The following THBS1 variants were observed in gnomAD, a reference collection of about 807,000 sequenced individuals.
THBS1 encodes the protein thrombospondin 1, also known as thrombospondin-1.
In THBS1, 29 loss-of-function variants were observed where a neutral mutation model predicts 126.1. That is an observed-to-expected ratio of 0.23 (90% CI 0.17 to 0.31). THBS1 has a LOEUF of 0.31. Ranked by LOEUF, THBS1 falls within the 10% of genes least tolerant of loss-of-function variation. The pLI is 1.00. For synonymous variants in THBS1, 496 were observed against 577.8 expected (o/e 0.86, Z 2.03); for missense variants, 1,198 against 1,545.2 (o/e 0.78, Z 3.77).
intron 6 of THBS1, among the ~76,000 whole-genome samples, chr15:39,584,919 G>A (rs1056172218): frequency 6.6e-6 from 1 of 152,230 alleles, no homozygotes; most frequent in Non-Finnish European, 1.5e-5. Flanking sequence ...AGTGGCCAGT[G>A]AGTTTGGAGG....
chr15:39,582,666 G>C lies in THBS1; in HGVS notation c.541G>C (p.Val181Leu), dbSNP rs770363046. Residue 181 changes from valine (V) to leucine (L), a missense_variant, in exon 3 of 22, where the codon GTC becomes CTC. Val to Leu is a conservative substitution (Grantham distance 32, BLOSUM62 1). Coordinates refer to ENST00000260356, the MANE Select transcript of THBS1 (RefSeq NM_003246.4). ...AAAGATGGAGAATGCTGAGTTGGACGTCCCCATCCAAAGCGTCTTCACCAG... is the reference window on the plus strand; with the variant it reads ...AAAGATGGAGAATGCTGAGTTGGACCTCCCCATCCAAAGCGTCTTCACCAG... ...CEKMENAELD[V>L]PIQSVFTRDL... 6.2e-7 allele frequency: 1 copy of C among 1,613,538 alleles called. No homozygotes were observed. The highest frequency in any genetic ancestry group is 1.3e-5 in the African/African-American group (1 of 74,918).
Position 39,582,413 on chromosome 15 carries a change from G to A in THBS1, c.288G>A (p.Gln96=). The change falls in exon 3 of 22, where the codon CAG becomes CAA. Residue 96 remains glutamine, a synonymous_variant. Coordinates refer to ENST00000260356, the MANE Select transcript of THBS1 (RefSeq NM_003246.4). ...KGFLLLASLR[Q]MKKTRGTLLA... is the part of the protein sequence containing the mutation. The stretch of plus-strand genomic sequence containing the variant: ...TCCTCCTTCTGGCATCCCTGAGGCA[G>A]ATGAAGAAGACCCGGGGCACGCTGC... The A allele has an allele frequency of 1.9e-6, 3 of 1,614,128 alleles. No individual in the cohort carries two copies. Among genetic ancestry groups the A allele is most frequent in the Non-Finnish European group, 2.5e-6 (3 of 1,179,994 alleles).
chr15:39,584,223 C>A (rs763080840), intron 5 of THBS1, 36 bp downstream of exon 5: 2 of 1,614,038 alleles, frequency 1.2e-6, no homozygotes, highest in Non-Finnish European at 1.7e-6. Flanking sequence ...TTAGCATGAA[C>A]CCTGGAAGGT....
chr15:39,590,722 T>A, intron 14 of THBS1, 99 bp downstream of exon 14: 1 of 876,834 alleles, frequency 1.1e-6, no homozygotes, highest in South Asian at 1.5e-5. Flanking sequence ...GCAAAAAATA[T>A]ACCAAATCAA....
chr15:39,597,429 A>T lies in THBS1; in HGVS notation c.*2060A>T, dbSNP rs1433224169. On this transcript the variant is annotated 3_prime_UTR_variant, in exon 22 of 22. Transcript: ENST00000260356. Reference sequence around the variant, plus strand: ...TTGTATATTACTGTTTCTTATGTACAAGGAACAACAATAAATCATATGGAA... The same window carrying T: ...TTGTATATTACTGTTTCTTATGTACTAGGAACAACAATAAATCATATGGAA... 6.6e-6 allele frequency: 1 copy of T among 151,864 alleles called. No individual in the cohort carries two copies. Among genetic ancestry groups the T allele is most frequent in the African/African-American group, 2.4e-5 (1 of 41,344 alleles). The allele number at this position is 151,864 out of a possible 1,614,324, so 9.4% of individuals were successfully genotyped here.
chr15:39,591,457 A>G (rs747521914), intron 15 of THBS1, 48 bp from the exon 16 acceptor site: 2 of 1,612,120 alleles, frequency 1.2e-6, no homozygotes, highest in South Asian at 2.2e-5. Context: ...TGGTGGAAAC[A>G]TCCAAGGCTG....
In THBS1 at chr15:39,582,284, C is replaced by G; in HGVS notation, c.159C>G (p.Asp53Glu). The change falls in exon 3 of 22, where the codon GAC becomes GAG. Residue 53 changes from aspartate (D) to glutamate (E), a missense_variant. Physicochemically the swap from Asp to Glu is conservative, Grantham distance 45 (BLOSUM62 2). Coordinates refer to ENST00000260356, the MANE Select transcript of THBS1 (RefSeq NM_003246.4). ...GSGRRLVKGPDPSSPAFRIED... is the reference protein window; with the variant it reads ...GSGRRLVKGPEPSSPAFRIED... ...GGCGCCGACTGGTGAAGGGCCCCGACCCTTCCAGCCCAGCTTTCCGCATCG... is the reference window on the plus strand; with the variant it reads ...GGCGCCGACTGGTGAAGGGCCCCGAGCCTTCCAGCCCAGCTTTCCGCATCG... 1 of 1,614,212 alleles carries G rather than the reference C, an allele frequency of 6.2e-7. No individual in the cohort carries two copies.
In THBS1 at chr15:39,588,073, C is replaced by T; in HGVS notation, c.1326C>T (p.Ser442=). The change falls in exon 9 of 22, where the codon TCC becomes TCT. Residue 442 remains serine (S), a synonymous_variant. Transcript: ENST00000260356. ...AGGATGGTGGCTGGAGCCACTGGTC[C>T]CCGTGGTCATCTTGTTCTGTGACAT... is the stretch of plus-strand genomic sequence containing the variant. ...FKQDGGWSHW[S]PWSSCSVTCG... 6.2e-7 allele frequency: 1 copy of T among 1,614,134 alleles called. No individual in the cohort carries two copies. The highest frequency in any genetic ancestry group is 8.5e-7 in the Non-Finnish European group (1 of 1,180,008).
chr15:39,593,380 C>G lies in THBS1; in HGVS notation c.2996-17C>G. The stretch of plus-strand genomic sequence containing the variant: ...GAAGGCTGCAGGTTTTAACCTGGCT[C>G]TGGGCTCTTCTTCCAGGTTATGATG... On this transcript the variant is annotated splice_polypyrimidine_tract_variant and intron_variant, in intron 18 of 21. Transcript: ENST00000260356. This position sits in a 1 kb window ranked among gnomAD's most constrained non-coding sequence, Gnocchi z 5.9. 1 of 1,613,594 alleles carries G rather than the reference C, an allele frequency of 6.2e-7. No homozygotes were observed. Among genetic ancestry groups the G allele is most frequent in the Non-Finnish European group, 8.5e-7 (1 of 1,179,664 alleles).
chr15:39,594,076 C>T lies in THBS1; in HGVS notation c.3268-23C>T, dbSNP rs775296490. 15 of 1,602,712 alleles carry T rather than the reference C, an allele frequency of 9.4e-6. No homozygotes were observed. The Admixed American group carries it at 1.0e-4, about 11-fold the overall frequency. On this transcript the variant is annotated intron_variant, in intron 19 of 21. Coordinates refer to ENST00000260356, the MANE Select transcript of THBS1 (RefSeq NM_003246.4). The surrounding 1 kb of genome is among the most constrained non-coding windows in gnomAD (Gnocchi z 4.4). ...TTACCTGAAGGAGCTGTGTTTCAAC[C>T]TTTCCTTTTCCTTTTCCTTCAGGTG... is the stretch of plus-strand genomic sequence containing the variant.
At chr15:39,581,807 G>A (rs1347355936) in intron 1 of THBS1, 22 bp from the exon 2 acceptor site, 2 of 1,541,932 alleles carry the variant, frequency 1.3e-6, no homozygotes, top group African/African-American at 1.4e-5. Context: ...CTGACCCTCG[G>A]CTCTTGTGCT....
Position 39,587,337 on chromosome 15 carries a change from TCC to T in THBS1, c.1121-7_1121-6del. The stretch of plus-strand genomic sequence containing the variant: ...ATCACGTACCTGATGAACCTCTGTT[TCC>T]CCTGCAGCCAGCGACTCTGCGGACG... On this transcript the variant is annotated splice_polypyrimidine_tract_variant and splice_region_variant and intron_variant, in intron 7 of 21. Coordinates refer to ENST00000260356, the MANE Select transcript of THBS1 (RefSeq NM_003246.4). The T allele has an allele frequency of 6.2e-7, 1 of 1,606,850 alleles. No homozygotes were observed. The highest frequency in any genetic ancestry group is 8.5e-7 in the Non-Finnish European group (1 of 1,175,268).
Position 39,582,735 on chromosome 15 carries a change from G to A in THBS1, c.610G>A (p.Val204Ile), listed in dbSNP as rs760002107. 1.4e-5 allele frequency: 22 copies of A among 1,609,682 alleles called. 1 individual carries two copies. Among genetic ancestry groups the A allele is most frequent in the South Asian group, 7.7e-5 (7 of 90,512 alleles). The change falls in exon 3 of 22, where the codon GTC becomes ATC. Residue 204 changes from valine to isoleucine, a missense_variant. Physicochemically the swap from Val to Ile is conservative, Grantham distance 29. Coordinates refer to ENST00000260356, the MANE Select transcript of THBS1 (RefSeq NM_003246.4). ...CAGACTCCGCATCGCAAAGGGGGGC[G>A]TCAATGACAATTTCCAGGTGAGGCT... is the stretch of plus-strand genomic sequence containing the variant. ...IARLRIAKGG[V>I]NDNFQGVLQN...
Position 39,582,240 on chromosome 15 carries a change from G to A in THBS1, c.115G>A (p.Ala39Thr), listed in dbSNP as rs201154690. The A allele has an allele frequency of 3.7e-5, 60 of 1,613,820 alleles. No homozygotes were observed. Among genetic ancestry groups the A allele is most frequent in the Non-Finnish European group, 4.9e-5 (58 of 1,179,894 alleles). ...SVFDIFELTG[A>T]ARKGSGRRLV... ...GTTTGACATCTTTGAACTCACCGGGGCCGCCCGCAAGGGGTCTGGGCGCCG... is the reference window on the plus strand; with the variant it reads ...GTTTGACATCTTTGAACTCACCGGGACCGCCCGCAAGGGGTCTGGGCGCCG... The change falls in exon 3 of 22, where the codon GCC becomes ACC. Residue 39 changes from alanine to threonine, a missense_variant. Transcript: ENST00000260356.
chr15:39,583,875 C>A, intron 4 of THBS1, 113 bp from the exon 5 acceptor site: 2 of 1,360,412 alleles, frequency 1.5e-6, no homozygotes, highest in Non-Finnish European at 1.0e-6. Context: ...CGCATACACG[C>A]AACCCCTCTA....
rs758131142 is a variant in THBS1 at position 39,582,559 on chromosome 15, A to C, written c.434A>C (p.Glu145Ala). ...AAGCAGCACGTGGTGTCTGTGGAAG[A>C]AGCTCTCCTGGCAACCGGCCAGTGG... Reference protein sequence around the residue: ...QGKQHVVSVEEALLATGQWKS... With the variant: ...QGKQHVVSVEAALLATGQWKS... Residue 145 changes from glutamate to alanine, a missense_variant, in exon 3 of 22, where the codon GAA (glutamate) becomes GCA (alanine). Around this residue, in one of 4 missense-constraint regions of THBS1, gnomAD observed 271 missense variants for 277.0 expected, o/e 0.98. Coordinates refer to ENST00000260356, the MANE Select transcript of THBS1 (RefSeq NM_003246.4). The C allele has an allele frequency of 3.1e-6, 5 of 1,614,044 alleles. No homozygotes were observed. The African/African-American group carries it at 5.3e-5, about 17-fold the overall frequency.
chr15:39,583,781 C>A, intron 4 of THBS1, 89 bp downstream of exon 4: 1 of 1,403,942 alleles, frequency 7.1e-7, no homozygotes, highest in Non-Finnish European at 1.0e-6. Flanking sequence ...AGTGGTTATA[C>A]ATAAATTACC....
rs12912082 is a variant in THBS1, at chr15:39,590,289, C to T, written c.2146-227C>T. On this transcript the variant is annotated intron_variant, in intron 13 of 21. Coordinates refer to ENST00000260356, the MANE Select transcript of THBS1 (RefSeq NM_003246.4). Reference sequence around the variant, plus strand: ...GTACTCTATCCAAATACCAGCAAAGCATGACTTGTGTTCACAACATCTATA... The same window carrying T: ...GTACTCTATCCAAATACCAGCAAAGTATGACTTGTGTTCACAACATCTATA... 0.12 allele frequency among the ~76,000 whole-genome samples: 18,330 copies of T among 152,188 alleles called. 1,301 individuals are homozygous for T. Among genetic ancestry groups the T allele is most frequent in the East Asian group, 0.32 (1,671 of 5,166 alleles).
intron 7 of THBS1, 92 bp downstream of exon 7, chr15:39,585,655 C>G: frequency 8.5e-7 from 1 of 1,174,412 alleles, no homozygotes; most frequent in Non-Finnish European, 1.2e-6. Context: ...GAACCCCACC[C>G]CCATCTCCAT....
Sources: allele counts gnomAD v4.1 joint callset (sites outside exome capture counted in the v4.1 genomes callset), GRCh38; gene constraint gnomAD v4.1.1; regional missense constraint gnomAD v4.1.1; non-coding constraint Gnocchi (gnomAD v3.1); transcripts MANE v1.5; gene names NCBI Gene and HGNC (gene_info 2026-07-23, HGNC 2026-07-21).